The following TCF12 variants were observed in gnomAD, a reference collection of about 807,000 sequenced individuals.
The protein encoded by TCF12 is transcription factor 12.
TCF12 carries 45 observed loss-of-function variants against 86.0 expected under a neutral mutation model. The observed-to-expected ratio is 0.52, with a 90% CI of 0.41 to 0.67. The LOEUF (loss-of-function observed/expected upper bound fraction) is 0.67. Among genes scored for constraint, TCF12 ranks in the 30% least tolerant of loss-of-function variants. The pLI is 0.00. For synonymous variants in TCF12, 330 were observed against 299.6 expected (o/e 1.10, Z -1.05); for missense variants, 881 against 859.9 (o/e 1.02, Z -0.31).
chr15:57,072,673 C>T (rs2069506479), intron 4 of TCF12: 1 of 1,306,976 alleles, frequency 7.7e-7, no homozygotes, highest in East Asian at 4.4e-5. Context: ...CGAGATGAAG[C>T]AGTTAAATAG....
intron 5 of TCF12, among the ~76,000 whole-genome samples, chr15:57,135,547 G>T (rs2052460381): frequency 6.6e-6 from 1 of 152,144 alleles, no homozygotes; most frequent in Non-Finnish European, 1.5e-5. Flanking sequence ...AAATGATCAA[G>T]CAGTGTCAAT....
chr15:57,146,216 C>T (rs1451037196), intron 5 of TCF12, among the ~76,000 whole-genome samples: 1 of 151,940 alleles, frequency 6.6e-6, no homozygotes, highest in East Asian at 1.9e-4. Context: ...TGAGGGTAAC[C>T]AGTACTAGCA....
intron 16 of TCF12, among the ~76,000 whole-genome samples, chr15:57,255,086 C>T (rs146450133): frequency 6.6e-6 from 1 of 152,218 alleles, no homozygotes; most frequent in African/African-American, 2.4e-5. Flanking sequence ...GCAACATTTG[C>T]AGTTCTTATT....
chr15:57,031,301 G>T (rs2066165238), intron 3 of TCF12, among the ~76,000 whole-genome samples: 2 of 152,114 alleles, frequency 1.3e-5, no homozygotes, highest in Admixed American at 1.3e-4. Flanking sequence ...CTCTGCATTT[G>T]GTTGAAGTGT....
intron 13 of TCF12, among the ~76,000 whole-genome samples, chr15:57,248,360 T>C (rs1330185115): frequency 6.6e-6 from 1 of 152,190 alleles, no homozygotes; most frequent in African/African-American, 2.4e-5. Context: ...GGCCACAAGA[T>C]AGAAGAGAGG....
chr15:57,000,745 C>G (rs1478011812), intron 3 of TCF12, among the ~76,000 whole-genome samples: 1 of 151,866 alleles, frequency 6.6e-6, no homozygotes, highest in African/African-American at 2.4e-5. Context: ...TTATCTGTGC[C>G]TCCTTATTAA....
intron 3 of TCF12, among the ~76,000 whole-genome samples, chr15:56,944,269 A>G (rs1433689794): frequency 6.6e-6 from 1 of 152,236 alleles, no homozygotes; most frequent in Non-Finnish European, 1.5e-5. Context: ...AAATACTGTG[A>G]AAATACTTTG....
chr15:57,280,078 A>G (rs2061615151), intron 19 of TCF12, among the ~76,000 whole-genome samples: 1 of 151,778 alleles, frequency 6.6e-6, no homozygotes, highest in Admixed American at 6.6e-5. Flanking sequence ...TATTTTTAGT[A>G]GAGATCGGGT....
At chr15:56,947,363 T>C (rs1194659609) in intron 3 of TCF12, among the ~76,000 whole-genome samples, 18 of 152,188 alleles carry the variant, frequency 1.2e-4, no homozygotes, top group Non-Finnish European at 2.6e-4. Context: ...TGCACGTTTC[T>C]GGAGATCCTT....
intron 3 of TCF12, among the ~76,000 whole-genome samples, chr15:56,972,257 A>G (rs2062376263): frequency 6.6e-6 from 1 of 152,240 alleles, no homozygotes; most frequent in South Asian, 2.1e-4. Flanking sequence ...AGAACTGCAT[A>G]TGCATTTTCT....
chr15:57,009,506 C>G (rs528637351), intron 3 of TCF12, among the ~76,000 whole-genome samples: 3 of 152,212 alleles, frequency 2.0e-5, no homozygotes, highest in East Asian at 3.9e-4. Flanking sequence ...GATTTATAGC[C>G]AAAGATGAGA....
chr15:57,033,558 A>G (rs1416138578), intron 3 of TCF12, among the ~76,000 whole-genome samples: 6 of 152,154 alleles, frequency 3.9e-5, no homozygotes, highest in Middle Eastern at 6.8e-3. Flanking sequence ...TTTTAGAGCA[A>G]TTCTTGGTAT....
intron 5 of TCF12, among the ~76,000 whole-genome samples, chr15:57,111,470 G>A (rs563454606): frequency 6.6e-6 from 1 of 151,838 alleles, no homozygotes; most frequent in Admixed American, 6.6e-5. Flanking sequence ...AGTAGGCCTT[G>A]CAACCCAATT....
At chr15:56,966,783 T>A (rs534312090) in intron 3 of TCF12, among the ~76,000 whole-genome samples, 1 of 152,354 alleles carries the variant, frequency 6.6e-6, no homozygotes, top group South Asian at 2.1e-4. Flanking sequence ...TCAATAATTA[T>A]AAATTAAGGT....
intron 7 of TCF12, among the ~76,000 whole-genome samples, chr15:57,197,445 A>G (rs1479940881): frequency 6.6e-6 from 1 of 152,166 alleles, no homozygotes; most frequent in Admixed American, 6.5e-5. Flanking sequence ...GGCCTGAGCC[A>G]CCACATCCGG....
chr15:57,035,863 G>A lies in TCF12; in HGVS notation c.149-27887G>A, dbSNP rs369401113. Among the ~76,000 whole-genome samples the A allele has an allele frequency of 7.4e-4, 113 of 152,212 alleles. 1 individual carries two copies. Among genetic ancestry groups the A allele is most frequent in the Non-Finnish European group, 7.4e-5 (5 of 68,004 alleles). On this transcript the variant is annotated intron_variant, in intron 3 of 20. Coordinates refer to ENST00000333725, the MANE Select transcript of TCF12 (RefSeq NM_207037.2). ...CCCGTTGCACCGCAGGAGGTGAGTG[G>A]CAAGCAAACAAACATTATCTCCTGA...
intron 3 of TCF12, among the ~76,000 whole-genome samples, chr15:56,926,049 C>G (rs939533784): frequency 4.6e-5 from 7 of 152,170 alleles, no homozygotes; most frequent in Non-Finnish European, 1.0e-4. Context: ...TGGTGGCTCA[C>G]GCCTGTAATC....
At chr15:57,143,577 CT>C (rs2053146104) in intron 5 of TCF12, among the ~76,000 whole-genome samples, 1 of 152,010 alleles carries the variant, frequency 6.6e-6, no homozygotes, top group South Asian at 2.1e-4. Flanking sequence ...GGAAAAAAAT[CT>C]TTTAGGTTTT....
chr15:57,154,694 A>G (rs191866245), intron 5 of TCF12, among the ~76,000 whole-genome samples: 52 of 152,274 alleles, frequency 3.4e-4, no homozygotes, highest in Admixed American at 9.8e-4. Context: ...ATTAATGCTA[A>G]GAAGAGTGAC....
Sources: allele counts gnomAD v4.1 joint callset (sites outside exome capture counted in the v4.1 genomes callset), GRCh38; gene constraint gnomAD v4.1.1; transcripts MANE v1.5; gene names NCBI Gene and HGNC (gene_info 2026-07-23, HGNC 2026-07-21).